The following FGF14 variants were observed in gnomAD, a reference collection of about 807,000 sequenced individuals.
The protein encoded by FGF14 is fibroblast growth factor homologous factor 4.
FGF14 carries 5 observed loss-of-function variants against 25.5 expected under a neutral mutation model. The observed-to-expected ratio is 0.20, with a 90% CI of 0.10 to 0.41. The LOEUF (loss-of-function observed/expected upper bound fraction) is 0.41. Ranked by LOEUF, FGF14 falls within the 10% of genes least tolerant of loss-of-function variation. The pLI, the probability that FGF14 is intolerant of heterozygous loss-of-function variation, is 1.00. For synonymous variants in FGF14, 138 were observed against 118.3 expected (o/e 1.17, Z -1.08); for missense variants, 222 against 320.1 (o/e 0.69, Z 2.34).
In FGF14 at chr13:101,722,765, T is replaced by A; in HGVS notation, c.*66A>T. 6.2e-7 allele frequency: 1 copy of A among 1,604,430 alleles called. No homozygotes were observed. The highest frequency in any genetic ancestry group is 1.7e-5 in the Admixed American group (1 of 59,766). ...GCTCTTCAGCCACGGAGCAGGAATG[T>A]CTGGTGAGGATAAATCACTCAACTG... On this transcript the variant is annotated 3_prime_UTR_variant, in exon 5 of 5. Transcript: ENST00000376143.
At chr13:102,311,486 G>A (rs762311334) in intron 1 of FGF14, among the ~76,000 whole-genome samples, 17 of 152,086 alleles carry the variant, frequency 1.1e-4, no homozygotes, top group African/African-American at 3.9e-4. Flanking sequence ...CAGCTGAATC[G>A]GGCCGATTTA....
chr13:102,081,254 T>C (rs1174212586), intron 1 of FGF14, among the ~76,000 whole-genome samples: 1 of 152,204 alleles, frequency 6.6e-6, no homozygotes, highest in Non-Finnish European at 1.5e-5. Flanking sequence ...AAAGAGAGAA[T>C]TGCATCATCT....
chr13:101,838,031 G>C (rs1466556449), intron 3 of FGF14, among the ~76,000 whole-genome samples: 1 of 151,808 alleles, frequency 6.6e-6, no homozygotes, highest in Admixed American at 6.6e-5. Flanking sequence ...CTAGAATATC[G>C]GACTCCAAGT....
At chr13:101,979,218 T>A (rs1307013649) in intron 1 of FGF14, among the ~76,000 whole-genome samples, 1 of 152,182 alleles carries the variant, frequency 6.6e-6, no homozygotes. Context: ...GAGAAATGAA[T>A]AGGACCTAAT....
chr13:102,273,733 CCAG>C (rs989655756), intron 1 of FGF14, among the ~76,000 whole-genome samples: 50 of 151,836 alleles, frequency 3.3e-4, no homozygotes, highest in African/African-American at 1.2e-3. Context: ...TTCTACAGGT[CCAG>C]GAGTTTAGGA....
At chr13:102,333,529 CAAG>C (rs1164572701) in intron 1 of FGF14, among the ~76,000 whole-genome samples, 3 of 152,096 alleles carry the variant, frequency 2.0e-5, no homozygotes, top group East Asian at 1.9e-4. Context: ...GGATGTTACG[CAAG>C]AAGAGGCCCC....
intron 1 of FGF14, among the ~76,000 whole-genome samples, chr13:102,026,133 G>C (rs184244692): frequency 1.3e-5 from 2 of 152,056 alleles, no homozygotes; most frequent in Admixed American, 1.3e-4. Flanking sequence ...CTAGTCTGCT[G>C]AGATTTCATT....
At chr13:102,367,959 C>G (rs2057764178) in intron 1 of FGF14, 1 of 152,200 alleles carries the variant, frequency 6.6e-6, no homozygotes, top group South Asian at 2.1e-4. Context: ...AACCCATGCA[C>G]TCTTCTCCTG....
chr13:102,269,418 T>C (rs1300832302), intron 1 of FGF14, among the ~76,000 whole-genome samples: 2 of 152,256 alleles, frequency 1.3e-5, no homozygotes, highest in Non-Finnish European at 1.5e-5. Flanking sequence ...TAACTGTTTG[T>C]CATCTCTTAT....
At chr13:102,030,812 T>C (rs2139932973) in intron 1 of FGF14, among the ~76,000 whole-genome samples, 1 of 152,100 alleles carries the variant, frequency 6.6e-6, no homozygotes, top group African/African-American at 2.4e-5. Context: ...TTACTTTTGT[T>C]CCCATAAAAA....
At chr13:102,383,852 G>C (rs1595016660) in intron 1 of FGF14, among the ~76,000 whole-genome samples, 1 of 151,906 alleles carries the variant, frequency 6.6e-6, no homozygotes, top group East Asian at 1.9e-4. Context: ...AATTCAGGAA[G>C]GGTTGGGTGT....
intron 1 of FGF14, among the ~76,000 whole-genome samples, chr13:102,190,494 A>G (rs2049077478): frequency 6.6e-6 from 1 of 152,162 alleles, no homozygotes; most frequent in South Asian, 2.1e-4. Context: ...ACAGCCCCCT[A>G]CAACACAGAA....
At chr13:101,907,925 T>C (rs1289075651) in intron 1 of FGF14, among the ~76,000 whole-genome samples, 1 of 151,996 alleles carries the variant, frequency 6.6e-6, no homozygotes, top group Admixed American at 6.6e-5. Context: ...TATCCCCAAG[T>C]TCAGTAAAAA....
At chr13:101,947,723 A>C (rs1023246829) in intron 1 of FGF14, among the ~76,000 whole-genome samples, 25 of 152,156 alleles carry the variant, frequency 1.6e-4, no homozygotes, top group Admixed American at 1.6e-3. Context: ...AAAGCTACCT[A>C]CTGGGTACTC....
chr13:102,255,268 C>G (rs2052380412), intron 1 of FGF14, among the ~76,000 whole-genome samples: 1 of 152,088 alleles, frequency 6.6e-6, no homozygotes, highest in Admixed American at 6.5e-5. Context: ...AAGGGAAATC[C>G]AAATGTCCAA....
intron 1 of FGF14, among the ~76,000 whole-genome samples, chr13:102,208,778 T>A (rs1210883199): frequency 1.3e-5 from 2 of 152,344 alleles, no homozygotes; most frequent in East Asian, 3.9e-4. Context: ...GACTCATTAG[T>A]AAAAATCCAA....
At chr13:102,313,291 T>G (rs900970183) in intron 1 of FGF14, among the ~76,000 whole-genome samples, 9 of 152,174 alleles carry the variant, frequency 5.9e-5, no homozygotes, top group African/African-American at 1.7e-4. Flanking sequence ...GCCGTGGAAA[T>G]AGCTCAATTA....
intron 3 of FGF14, among the ~76,000 whole-genome samples, chr13:101,820,987 G>C (rs1449494859): frequency 3.4e-5 from 5 of 145,896 alleles, no homozygotes; most frequent in African/African-American, 7.6e-5. Flanking sequence ...TCTCGCTGTC[G>C]CCCAGGCTGG....
At chr13:101,959,205 C>T (rs2139444926) in intron 1 of FGF14, among the ~76,000 whole-genome samples, 1 of 152,258 alleles carries the variant, frequency 6.6e-6, no homozygotes, top group South Asian at 2.1e-4. Flanking sequence ...CCTGATCTGA[C>T]AGGAGGTGGA....
Sources: gnomAD v4.1 joint callset for allele counts (sites outside exome capture counted in the v4.1 genomes callset) on GRCh38, gnomAD v4.1.1 for gene constraint, MANE v1.5 for transcripts, NCBI Gene and HGNC (gene_info 2026-07-23, HGNC 2026-07-21) for gene names.